Variants in SHISA9 observed in about 807,000 individuals in gnomAD.
The protein encoded by SHISA9 is shisa family member 9.
Under a neutral mutation model 38.0 loss-of-function variants are expected in SHISA9, and 13 were observed. That is an observed-to-expected ratio of 0.34 (90% confidence interval 0.22 to 0.54). The LOEUF (loss-of-function observed/expected upper bound fraction) is 0.54, where lower values mean the gene tolerates loss of function less well. SHISA9 is among the 20% of genes least tolerant of loss of function. The pLI is 0.91. For missense variants in SHISA9, 538 were observed against 575.8 expected (o/e 0.93, Z 0.67); for synonymous variants, 275 against 242.0 (o/e 1.14, Z -1.27).
At chr16:13,119,522 A>G (rs898699767) in intron 2 of SHISA9, among the ~76,000 whole-genome samples, 2 of 152,242 alleles carry the variant, frequency 1.3e-5, no homozygotes, top group Non-Finnish European at 2.9e-5. Flanking sequence ...ATAGGCAATG[A>G]TATATTAATA....
At chr16:13,148,264 G>A (rs1227209261) in intron 2 of SHISA9, among the ~76,000 whole-genome samples, 1 of 151,826 alleles carries the variant, frequency 6.6e-6, no homozygotes, top group Non-Finnish European at 1.5e-5. Flanking sequence ...TATTCCCCAC[G>A]CTCCGTGAAG....
the SHISA9 span, among the ~76,000 whole-genome samples, chr16:13,494,333 G>T: frequency 6.6e-5 from 10 of 152,254 alleles, no homozygotes; most frequent in Non-Finnish European, 1.0e-4. Context: ...GATGCAACAG[G>T]ATACAGGTGA....
intron 2 of SHISA9, among the ~76,000 whole-genome samples, chr16:13,059,188 C>A (rs577652831): frequency 7.6e-6 from 1 of 131,774 alleles, no homozygotes; most frequent in Non-Finnish European, 1.5e-5. Flanking sequence ...AGTGCAGTGG[C>A]GTGATCTCGG....
chr16:13,542,604 T>G, the SHISA9 span, among the ~76,000 whole-genome samples: 2 of 151,934 alleles, frequency 1.3e-5, no homozygotes, highest in African/African-American at 4.8e-5. Flanking sequence ...CCCCCCCTAC[T>G]CTATGCTGAA....
chr16:13,057,646 A>AT (rs200018966), intron 2 of SHISA9, among the ~76,000 whole-genome samples: 1,890 of 152,268 alleles, frequency 0.012, 48 homozygotes, highest in African/African-American at 0.043. Flanking sequence ...ATACTTTTTT[A>AT]TTTTTAATTT....
chr16:13,530,205 G>T, the SHISA9 span, among the ~76,000 whole-genome samples: 2 of 152,210 alleles, frequency 1.3e-5, no homozygotes, highest in Non-Finnish European at 2.9e-5. Flanking sequence ...GGAGGCTGAA[G>T]CAGGAGAATC....
At chr16:13,038,396 C>A (rs1175814504) in intron 2 of SHISA9, among the ~76,000 whole-genome samples, 1 of 152,232 alleles carries the variant, frequency 6.6e-6, no homozygotes, top group Admixed American at 6.5e-5. Flanking sequence ...CAAGGTCCTG[C>A]ACAATCTAGC....
the SHISA9 span, among the ~76,000 whole-genome samples, chr16:13,501,543 A>C: frequency 2.0e-5 from 3 of 152,148 alleles, no homozygotes; most frequent in Non-Finnish European, 4.4e-5. Flanking sequence ...ATTTTACAGC[A>C]ATATTCTCCA....
At chr16:13,286,672 A>T in the SHISA9 span, among the ~76,000 whole-genome samples, 1 of 152,224 alleles carries the variant, frequency 6.6e-6, no homozygotes, top group Admixed American at 6.5e-5. Context: ...ACTAGAGGAT[A>T]ATCACTGATA....
chr16:13,129,257 C>T (rs976671175), intron 2 of SHISA9, among the ~76,000 whole-genome samples: 3 of 152,172 alleles, frequency 2.0e-5, no homozygotes, highest in Non-Finnish European at 4.4e-5. Context: ...CCCAAATTCT[C>T]AATGCATGTA....
At chr16:13,422,948 G>C in the SHISA9 span, among the ~76,000 whole-genome samples, 1 of 152,150 alleles carries the variant, frequency 6.6e-6, no homozygotes, top group Non-Finnish European at 1.5e-5. Context: ...TATCTTTGGA[G>C]AAAGGAGGAA....
the SHISA9 span, among the ~76,000 whole-genome samples, chr16:13,313,136 T>A: frequency 4.0e-5 from 6 of 149,098 alleles, no homozygotes; most frequent in African/African-American, 1.5e-4. Flanking sequence ...GCGCCTGTAG[T>A]CCCAGCTACT....
the SHISA9 span, among the ~76,000 whole-genome samples, chr16:13,365,993 T>C: frequency 6.6e-6 from 1 of 152,198 alleles, no homozygotes; most frequent in Non-Finnish European, 1.5e-5. Flanking sequence ...ATAAAAGCTC[T>C]GCTGAAGCCT....
chr16:13,324,826 G>A, the SHISA9 span, among the ~76,000 whole-genome samples: 1 of 152,180 alleles, frequency 6.6e-6, no homozygotes, highest in Non-Finnish European at 1.5e-5. Context: ...AGAAGTTACA[G>A]GCAAAGACAT....
intron 2 of SHISA9, among the ~76,000 whole-genome samples, chr16:13,000,222 T>G (rs2072506907): frequency 6.6e-6 from 1 of 152,076 alleles, no homozygotes; most frequent in Non-Finnish European, 1.5e-5. Flanking sequence ...ACAAGCTGCT[T>G]CAATTCTCTG....
the SHISA9 span, among the ~76,000 whole-genome samples, chr16:13,357,874 A>G: frequency 6.6e-6 from 1 of 152,068 alleles, no homozygotes; most frequent in Non-Finnish European, 1.5e-5. Flanking sequence ...TTCACAAGGT[A>G]ATGTCATCAG....
intron 2 of SHISA9, among the ~76,000 whole-genome samples, chr16:13,136,515 C>T (rs910661872): frequency 4.0e-5 from 6 of 149,716 alleles, no homozygotes; most frequent in East Asian, 2.0e-4. Flanking sequence ...TCTCCTGCCT[C>T]AGCCTCCTGA....
At chr16:13,054,482 C>T (rs1480730118) in intron 2 of SHISA9, among the ~76,000 whole-genome samples, 1 of 152,188 alleles carries the variant, frequency 6.6e-6, no homozygotes, top group Non-Finnish European at 1.5e-5. Flanking sequence ...GTCTTGAAAT[C>T]ATTTGACTAC....
At chr16:13,401,837 G>A in the SHISA9 span, among the ~76,000 whole-genome samples, 6 of 152,162 alleles carry the variant, frequency 3.9e-5, no homozygotes, top group East Asian at 3.9e-4. Context: ...TCACCGTCCC[G>A]CATGGCTGGG....
Sources: allele counts gnomAD v4.1 joint callset (sites outside exome capture counted in the v4.1 genomes callset), GRCh38; gene constraint gnomAD v4.1.1; transcripts MANE v1.5; gene names NCBI Gene and HGNC (gene_info 2026-07-23, HGNC 2026-07-21).